The following DTNB variants were observed in gnomAD, a reference collection of about 807,000 sequenced individuals.
The protein encoded by DTNB is DTN-B.
Under a neutral mutation model 90.7 loss-of-function variants are expected in DTNB, and 63 were observed. The observed-to-expected ratio is 0.69, with a 90% CI of 0.57 to 0.86. The LOEUF (loss-of-function observed/expected upper bound fraction) is 0.86. Ranked by LOEUF, DTNB falls within the 40% of genes least tolerant of loss-of-function variation. The pLI, the probability that DTNB is intolerant of heterozygous loss-of-function variation, is 0.00. For synonymous variants in DTNB, 277 were observed against 286.7 expected (o/e 0.97, Z 0.34); for missense variants, 744 against 807.1 (o/e 0.92, Z 0.95).
chr2:25,542,206 C>T (rs1324044761), intron 8 of DTNB, among the ~76,000 whole-genome samples: 1 of 152,154 alleles, frequency 6.6e-6, no homozygotes, highest in Non-Finnish European at 1.5e-5. Flanking sequence ...CCTCCACCTC[C>T]TGGGTTCAAC....
At chr2:25,538,390 G>C (rs1261569937) in intron 8 of DTNB, among the ~76,000 whole-genome samples, 1 of 152,174 alleles carries the variant, frequency 6.6e-6, no homozygotes, top group African/African-American at 2.4e-5. Flanking sequence ...AGGTGACAGA[G>C]TGAGACCCTG....
chr2:25,560,798 G>T (rs1047710893), intron 8 of DTNB, among the ~76,000 whole-genome samples: 1 of 152,220 alleles, frequency 6.6e-6, no homozygotes, highest in Non-Finnish European at 1.5e-5. Context: ...AGCTTGCAGA[G>T]AGAGTGTGGC....
At chr2:25,568,545 G>T (rs2059377922) in intron 8 of DTNB, among the ~76,000 whole-genome samples, 1 of 151,796 alleles carries the variant, frequency 6.6e-6, no homozygotes, top group Non-Finnish European at 1.5e-5. Flanking sequence ...ATTTAAATAT[G>T]GTAATAAAAA....
intron 8 of DTNB, among the ~76,000 whole-genome samples, chr2:25,533,460 G>A (rs914037441): frequency 4.6e-5 from 7 of 152,074 alleles, no homozygotes; most frequent in Non-Finnish European, 7.4e-5. Flanking sequence ...CCAACAAGTC[G>A]TGATGTGACG....
At chr2:25,422,673 T>C (rs975670488) in intron 15 of DTNB, among the ~76,000 whole-genome samples, 3 of 152,064 alleles carry the variant, frequency 2.0e-5, no homozygotes, top group Non-Finnish European at 2.9e-5. Context: ...GTTGGGATTA[T>C]AGGCATGAGC....
At chr2:25,555,038 T>C (rs967972982) in intron 8 of DTNB, among the ~76,000 whole-genome samples, 2 of 152,150 alleles carry the variant, frequency 1.3e-5, no homozygotes, top group South Asian at 2.1e-4. Flanking sequence ...GGCTCATGCC[T>C]GTAATCCCAG....
intron 10 of DTNB, among the ~76,000 whole-genome samples, chr2:25,477,158 A>G (rs1185182832): frequency 6.6e-6 from 1 of 152,234 alleles, no homozygotes; most frequent in African/African-American, 2.4e-5. Flanking sequence ...TAATTTTAAA[A>G]TTAAGGTACA....
chr2:25,529,118 A>T (rs1211281629), intron 9 of DTNB, among the ~76,000 whole-genome samples: 1 of 152,224 alleles, frequency 6.6e-6, no homozygotes, highest in Non-Finnish European at 1.5e-5. Context: ...TTAGTTCCTT[A>T]TGGTAATTAA....
intron 10 of DTNB, among the ~76,000 whole-genome samples, chr2:25,471,370 C>T (rs946872354): frequency 6.6e-6 from 1 of 151,204 alleles, no homozygotes; most frequent in South Asian, 2.1e-4. Context: ...TTTCCCAACA[C>T]GAAGTGCATG....
Position 25,590,364 on chromosome 2 carries a change from A to G in DTNB, c.603+5722T>C, listed in dbSNP as rs150829861. Among the ~76,000 whole-genome samples the G allele has an allele frequency of 2.0e-5, 3 of 152,320 alleles. No individual in the cohort carries two copies. In the East Asian group the frequency reaches 5.8e-4, roughly 29 times the overall value. ...GAGGTATGTGGAAAAGTGGAGGGTA[A>G]GCAAGGCAAAGAGGAACTTTATTGA... On this transcript the variant is annotated intron_variant, in intron 6 of 20. Transcript: ENST00000406818.
At chr2:25,536,048 C>T (rs2079639418) in intron 8 of DTNB, among the ~76,000 whole-genome samples, 1 of 149,126 alleles carries the variant, frequency 6.7e-6, no homozygotes, top group Admixed American at 6.7e-5. Context: ...GGCAGAGGTG[C>T]TCCCCACTTC....
intron 9 of DTNB, among the ~76,000 whole-genome samples, chr2:25,513,028 A>G (rs1450961500): frequency 6.6e-6 from 1 of 152,244 alleles, no homozygotes; most frequent in African/African-American, 2.4e-5. Flanking sequence ...ACTCAAGAAG[A>G]TTAATTTGTT....
rs146021796 is a variant in DTNB at position 25,520,150 on chromosome 2, G to A, written c.1001+11323C>T. 7.9e-3 allele frequency among the ~76,000 whole-genome samples: 1,197 copies of A among 152,322 alleles called. 19 individuals carry two copies. Among genetic ancestry groups the A allele is most frequent in the African/African-American group, 0.027 (1,137 of 41,576 alleles). The stretch of plus-strand genomic sequence containing the variant: ...TGTAATCCCAGCACTTTGGGAGACC[G>A]AGGCGGGTGGATGACGAGGTCAGGA... On this transcript the variant is annotated intron_variant, in intron 9 of 20. Transcript: ENST00000406818.
rs567023447 is a variant in DTNB, at chr2:25,669,738, C to A, written c.-2+3648G>T. On this transcript the variant is annotated intron_variant, in intron 1 of 20. Coordinates refer to ENST00000406818, the MANE Select transcript of DTNB (RefSeq NM_021907.5). ...CAGGGGCTCATGCCTGTAATCCCAA[C>A]GCTTTGGGAGGATCACTTGCCAGCC... Among the ~76,000 whole-genome samples the A allele has an allele frequency of 3.9e-5, 6 of 152,226 alleles. No individual in the cohort carries two copies. The South Asian group carries it at 1.2e-3, about 32-fold the overall frequency.
intron 20 of DTNB, 102 bp downstream of exon 20, chr2:25,379,188 C>A: frequency 8.6e-7 from 1 of 1,167,638 alleles, no homozygotes; most frequent in Non-Finnish European, 1.1e-6. Flanking sequence ...CCTGTTAGGA[C>A]TGCCCTGGCT....
At chr2:25,551,869 T>A (rs1055333796) in intron 8 of DTNB, among the ~76,000 whole-genome samples, 3 of 152,238 alleles carry the variant, frequency 2.0e-5, no homozygotes, top group African/African-American at 7.2e-5. Context: ...TTCTTTTACT[T>A]TATAATAATA....
intron 9 of DTNB, among the ~76,000 whole-genome samples, chr2:25,526,932 A>G (rs1313053216): frequency 6.6e-6 from 1 of 152,224 alleles, no homozygotes; most frequent in East Asian, 1.9e-4. Context: ...CCAATTTTAA[A>G]AAACTGAAAA....
chr2:25,476,636 T>C (rs1408464479), intron 10 of DTNB, among the ~76,000 whole-genome samples: 1 of 152,138 alleles, frequency 6.6e-6, no homozygotes, highest in Non-Finnish European at 1.5e-5. Context: ...ACTGAAGATG[T>C]GGTAGAAAAA....
chr2:25,466,028 C>G (rs1487204623), intron 10 of DTNB, among the ~76,000 whole-genome samples: 1 of 152,144 alleles, frequency 6.6e-6, no homozygotes. Flanking sequence ...ATGAAATAAT[C>G]AGTTACTTCT....
Sources: gnomAD v4.1 joint callset for allele counts (sites outside exome capture counted in the v4.1 genomes callset) on GRCh38, gnomAD v4.1.1 for gene constraint, MANE v1.5 for transcripts, NCBI Gene and HGNC (gene_info 2026-07-23, HGNC 2026-07-21) for gene names.